MTF2: variants seen among roughly 807,000 people sequenced by gnomAD.
MTF2 encodes the protein metal response element binding transcription factor 2, also known as metal-response element-binding transcription factor 2.
A neutral mutation model predicts 79.5 loss-of-function variants in MTF2; 11 were observed. The observed-to-expected ratio is 0.14, with a 90% CI of 0.09 to 0.23. MTF2 has a LOEUF of 0.23. Ranked by LOEUF, MTF2 falls within the 10% of genes least tolerant of loss-of-function variation. The pLI, the probability that MTF2 is intolerant of heterozygous loss-of-function variation, is 1.00. For missense variants in MTF2, 486 were observed against 711.2 expected, an observed-to-expected ratio of 0.68 and a Z score of 3.60; for synonymous variants, 208 against 232.8, an observed-to-expected ratio of 0.89 and a Z score of 0.97.
At chr1:93,113,403 A>G (rs1480516183) in intron 3 of MTF2, among the ~76,000 whole-genome samples, 1 of 152,102 alleles carries the variant, frequency 6.6e-6, no homozygotes, top group African/African-American at 2.4e-5. Flanking sequence ...AAGGAAGCAA[A>G]CAAAGCAGAA....
At chr1:93,133,885 T>C (rs772784806) in intron 12 of MTF2, 43 bp from the exon 13 acceptor site, 1 of 1,534,976 alleles carries the variant, frequency 6.5e-7, no homozygotes, top group Admixed American at 1.8e-5. Flanking sequence ...TTTTTTCAGC[T>C]TACTTTAGAG....
At chr1:93,085,019 C>G (rs530098482) in intron 1 of MTF2, among the ~76,000 whole-genome samples, 1 of 152,260 alleles carries the variant, frequency 6.6e-6, no homozygotes, top group East Asian at 1.9e-4. Context: ...TGTTGATTCT[C>G]AGTTCTGAGG....
intron 9 of MTF2, among the ~76,000 whole-genome samples, chr1:93,126,216 A>G (rs1212164396): frequency 6.6e-6 from 1 of 151,860 alleles, no homozygotes; most frequent in Non-Finnish European, 1.5e-5. Flanking sequence ...TGAGTGTAGA[A>G]TGAATGGGCT....
intron 1 of MTF2, among the ~76,000 whole-genome samples, chr1:93,103,433 T>C (rs2101045322): frequency 6.6e-6 from 1 of 151,646 alleles, no homozygotes; most frequent in East Asian, 1.9e-4. Flanking sequence ...ATTTTATATT[T>C]ACGTAACAGA....
intron 7 of MTF2, 116 bp downstream of exon 7, chr1:93,118,556 C>A: frequency 1.6e-6 from 1 of 610,716 alleles, no homozygotes; most frequent in South Asian, 3.0e-5. Context: ...AAGGGGTTGT[C>A]TCAGAGGGAA....
intron 10 of MTF2, among the ~76,000 whole-genome samples, chr1:93,128,488 T>C (rs1299270728): frequency 6.9e-6 from 1 of 145,402 alleles, no homozygotes; most frequent in African/African-American, 2.6e-5. Context: ...ACCCGGGAGG[T>C]AGAAGTTGCA....
chr1:93,091,644 G>A (rs1655079538), intron 1 of MTF2, among the ~76,000 whole-genome samples: 1 of 152,194 alleles, frequency 6.6e-6, no homozygotes, highest in African/African-American at 2.4e-5. Context: ...GTTTTAAACT[G>A]TGACCACCAT....
chr1:93,115,092 T>C lies in MTF2; in HGVS notation c.483+4T>C. 6.3e-7 allele frequency: 1 copy of C among 1,582,334 alleles called. No individual in the cohort carries two copies. The highest frequency in any genetic ancestry group is 8.7e-7 in the Non-Finnish European group (1 of 1,152,706). On this transcript the variant is annotated splice_donor_region_variant and intron_variant, in intron 5 of 14. Transcript: ENST00000370298. ...TGTTTTTGCAACAACAACAAAGGTA[T>C]ATTTTAAGTGTTTTGGGCTAAAGCT...
At chr1:93,133,399 TTGTC>T (rs967590185) in intron 11 of MTF2, among the ~76,000 whole-genome samples, 10 of 152,208 alleles carry the variant, frequency 6.6e-5, no homozygotes, top group African/African-American at 1.9e-4. Flanking sequence ...TCCAGTATAA[TTGTC>T]TGGTTTTTGT....
In MTF2 at chr1:93,118,344, G is replaced by A; in HGVS notation, c.633-1G>A. ...GTTAACTTTTTTGTTTTTTTTAATAGCTGGTATTTGAAGATGCTACAGTGC... is the reference window on the plus strand; with the variant it reads ...GTTAACTTTTTTGTTTTTTTTAATAACTGGTATTTGAAGATGCTACAGTGC... On this transcript the variant is annotated splice_acceptor_variant, in intron 6 of 14. Transcript: ENST00000370298. LOFTEE classifies it high-confidence loss of function. 6.5e-7 allele frequency: 1 copy of A among 1,543,568 alleles called. No homozygotes were observed. Among genetic ancestry groups the A allele is most frequent in the Non-Finnish European group, 8.7e-7 (1 of 1,146,866 alleles).
chr1:93,089,849 C>G (rs892703858), intron 1 of MTF2, among the ~76,000 whole-genome samples: 5 of 144,186 alleles, frequency 3.5e-5, no homozygotes, highest in African/African-American at 1.3e-4. Flanking sequence ...CTTGATTTTC[C>G]TTTTTTTTTT....
intron 9 of MTF2, 165 bp downstream of exon 9, chr1:93,120,837 T>G: frequency 7.5e-7 from 1 of 1,340,346 alleles, no homozygotes; most frequent in Non-Finnish European, 9.5e-7. Context: ...AGGACCAGCC[T>G]TCTCATCCTC....
At chr1:93,100,509 G>T (rs1418673436) in intron 1 of MTF2, among the ~76,000 whole-genome samples, 1 of 152,084 alleles carries the variant, frequency 6.6e-6, no homozygotes, top group Non-Finnish European at 1.5e-5. Flanking sequence ...GTTTCACTGT[G>T]TGTTAGCCAA....
intron 1 of MTF2, among the ~76,000 whole-genome samples, chr1:93,105,280 G>A (rs1010663883): frequency 6.6e-6 from 1 of 152,128 alleles, no homozygotes; most frequent in African/African-American, 2.4e-5. Flanking sequence ...TTTACCCCGA[G>A]GTTTGCTTGC....
intron 12 of MTF2, 23 bp downstream of exon 12, chr1:93,133,831 G>C: frequency 6.4e-7 from 1 of 1,567,482 alleles, no homozygotes; most frequent in Non-Finnish European, 8.8e-7. Context: ...GTTGGTATAT[G>C]TTCTCAAGAA....
At chr1:93,087,284 C>A (rs2815423) in intron 1 of MTF2, among the ~76,000 whole-genome samples, 120,890 of 152,158 alleles carry the variant, frequency 0.79, 51,127 homozygotes, top group East Asian at 0.93. Context: ...ATAAAAAAGG[C>A]CTTAAGGCTG....
chr1:93,080,151 A>G (rs1654541541), intron 1 of MTF2, among the ~76,000 whole-genome samples: 2 of 152,124 alleles, frequency 1.3e-5, no homozygotes, highest in Non-Finnish European at 2.9e-5. Context: ...AAAGCTAGGT[A>G]GCTTATATTT....
At chr1:93,094,527 T>G (rs190815801) in intron 1 of MTF2, among the ~76,000 whole-genome samples, 140 of 152,356 alleles carry the variant, frequency 9.2e-4, no homozygotes, top group Non-Finnish European at 1.8e-3. Flanking sequence ...TTGCCTCTTT[T>G]TTTCTGTGGA....
chr1:93,082,629 A>G (rs567071475), intron 1 of MTF2, among the ~76,000 whole-genome samples: 2 of 152,244 alleles, frequency 1.3e-5, no homozygotes, highest in African/African-American at 4.8e-5. Flanking sequence ...TGAAGTTTAC[A>G]TATATTGAAA....
Sources: gnomAD v4.1 joint callset for allele counts (sites outside exome capture counted in the v4.1 genomes callset) on GRCh38, gnomAD v4.1.1 for gene constraint, MANE v1.5 for transcripts, NCBI Gene and HGNC (gene_info 2026-07-23, HGNC 2026-07-21) for gene names.